PRKCB: variants seen among roughly 807,000 people sequenced by gnomAD.
PRKCB encodes the protein protein kinase C beta, also known as protein kinase C beta type.
Under a neutral mutation model 81.5 loss-of-function variants are expected in PRKCB, and 13 were observed. The observed-to-expected ratio is 0.16, with a 90% CI of 0.10 to 0.25. The LOEUF (loss-of-function observed/expected upper bound fraction) is 0.25. Among genes scored for constraint, PRKCB ranks in the 10% least tolerant of loss-of-function variants. The pLI is 1.00. For missense variants in PRKCB, 509 were observed against 875.7 expected (o/e 0.58, Z 5.29); for synonymous variants, 335 against 321.4 (o/e 1.04, Z -0.45).
At position 24,218,417 on chromosome 16, in the gene PRKCB, T is replaced by G; in HGVS notation, c.*3601T>G. On this transcript the variant is annotated 3_prime_UTR_variant, in exon 17 of 17. Transcript: ENST00000643927. ...AAGGGCAGGTGGGACATGGTAGAGATGGACCCTACCCAGGAAACAGCTCCA... is the reference window on the plus strand; with the variant it reads ...AAGGGCAGGTGGGACATGGTAGAGAGGGACCCTACCCAGGAAACAGCTCCA... 1.0e-6 allele frequency: 1 copy of G among 985,216 alleles called. No individual in the cohort carries two copies. The highest frequency in any genetic ancestry group is 1.2e-6 in the Non-Finnish European group (1 of 829,932). The allele number at this position is 985,216 out of a possible 1,614,324, so 61.0% of individuals were successfully genotyped here. A position where few individuals can be genotyped will look rare whatever the true frequency, so the allele number is the denominator to read the frequency against.
chr16:23,951,692 A>G (rs1964287057), intron 2 of PRKCB, among the ~76,000 whole-genome samples: 1 of 149,568 alleles, frequency 6.7e-6, no homozygotes, highest in African/African-American at 2.5e-5. Context: ...TGCTGAGATT[A>G]CAGGCATGAG....
chr16:24,022,325 C>T (rs1965415614), intron 3 of PRKCB, among the ~76,000 whole-genome samples: 1 of 151,718 alleles, frequency 6.6e-6, no homozygotes, highest in Admixed American at 6.6e-5. Flanking sequence ...GAGAAGCAGG[C>T]CTGGTGTAAG....
At chr16:23,865,265 TTGTGTG>T (rs57426992) in intron 2 of PRKCB, among the ~76,000 whole-genome samples, 35,993 of 128,464 alleles carry the variant, frequency 0.28, 4,469 homozygotes, top group Middle Eastern at 0.4. Flanking sequence ...TCTGTTTTGT[TTGTGTG>T]TGTGTGTGTG....
At chr16:24,024,382 G>A (rs1298490777) in intron 3 of PRKCB, among the ~76,000 whole-genome samples, 1 of 152,150 alleles carries the variant, frequency 6.6e-6, no homozygotes, top group Admixed American at 6.6e-5. Flanking sequence ...TCGGATAGGA[G>A]GAATTGCCTT....
At chr16:23,866,951 TCTTCCTTCCCTTCCTTCCCTTCCTTCC>T (rs139638549) in intron 2 of PRKCB, among the ~76,000 whole-genome samples, 9,894 of 118,486 alleles carry the variant, frequency 0.084, 981 homozygotes, top group East Asian at 0.096. Context: ...CCCCTTCCTT[TCTTCCTTCCCTTCCTTCCCTTCCTTCC>T]CTTCCTTCCC....
At chr16:24,082,111 T>TA (rs1247320434) in intron 5 of PRKCB, among the ~76,000 whole-genome samples, 4 of 152,058 alleles carry the variant, frequency 2.6e-5, no homozygotes, top group Non-Finnish European at 5.9e-5. Context: ...AAATACTACT[T>TA]ACAGCAGCTG....
intron 5 of PRKCB, among the ~76,000 whole-genome samples, chr16:24,063,297 CT>C (rs960862923): frequency 2.4e-3 from 345 of 142,238 alleles, no homozygotes; most frequent in South Asian, 9.4e-3. Context: ...TCCTGATACA[CT>C]TTTTTTTTTT....
At position 24,214,801 on chromosome 16, in the gene PRKCB, C is replaced by T. The variant is rs772098050; in HGVS notation, c.2007C>T (p.Pro669=). ...TTGTTAACTCTGAATTTTTAAAACC[C>T]GAAGTCAAGAGCTAAGTAGATGTGT... ...FSFVNSEFLK[P]EVKS is the part of the protein sequence containing the mutation. Residue 669 remains proline (P), a synonymous_variant, in exon 17 of 17, where the codon CCC becomes CCT. Coordinates refer to ENST00000643927, the MANE Select transcript of PRKCB (RefSeq NM_002738.7). The T allele has an allele frequency of 3.7e-5, 59 of 1,613,942 alleles. No homozygotes were observed. In the South Asian group the frequency reaches 3.8e-4, roughly 11 times the overall value.
At chr16:24,171,913 G>T (rs1400731136) in intron 10 of PRKCB, among the ~76,000 whole-genome samples, 3 of 151,334 alleles carry the variant, frequency 2.0e-5, no homozygotes, top group Non-Finnish European at 1.5e-5. Context: ...TTTGTATTTT[G>T]TTTTTTTTCA....
At chr16:24,116,455 C>T (rs1966738682) in intron 8 of PRKCB, among the ~76,000 whole-genome samples, 1 of 152,034 alleles carries the variant, frequency 6.6e-6, no homozygotes, top group African/African-American at 2.4e-5. Context: ...TTCCCAAATT[C>T]CTTGTCTTGA....
chr16:23,842,483 G>C (rs1335728564), intron 2 of PRKCB, among the ~76,000 whole-genome samples: 1 of 152,050 alleles, frequency 6.6e-6, no homozygotes, highest in Non-Finnish European at 1.5e-5. Context: ...TTCTCTTCTT[G>C]GGTATATTTC....
At chr16:24,162,830 T>A (rs1967281870) in intron 10 of PRKCB, among the ~76,000 whole-genome samples, 1 of 152,142 alleles carries the variant, frequency 6.6e-6, no homozygotes, top group Non-Finnish European at 1.5e-5. Flanking sequence ...CTAAAAGCCC[T>A]GACTTGACCA....
chr16:23,939,073 A>G (rs1227514337), intron 2 of PRKCB, among the ~76,000 whole-genome samples: 2 of 152,224 alleles, frequency 1.3e-5, no homozygotes, highest in Non-Finnish European at 2.9e-5. Flanking sequence ...AAACAATTGT[A>G]TTTCTATAAA....
At chr16:23,888,542 C>CTT (rs1193060210) in intron 2 of PRKCB, among the ~76,000 whole-genome samples, 1 of 152,150 alleles carries the variant, frequency 6.6e-6, no homozygotes, top group Non-Finnish European at 1.5e-5. Flanking sequence ...GTAACCATTT[C>CTT]TTTTTTAAGT....
chr16:24,120,036 A>T (rs979702981), intron 8 of PRKCB, among the ~76,000 whole-genome samples: 25 of 152,202 alleles, frequency 1.6e-4, no homozygotes, highest in Admixed American at 3.9e-4. Flanking sequence ...CAAATTACCG[A>T]TTTATGCAAA....
intron 9 of PRKCB, among the ~76,000 whole-genome samples, chr16:24,150,363 G>T (rs1367683507): frequency 1.3e-5 from 2 of 151,994 alleles, no homozygotes; most frequent in African/African-American, 2.4e-5. Flanking sequence ...AAACAAAAAA[G>T]GACCACTCTA....
chr16:24,126,793 C>T (rs1966845105), intron 9 of PRKCB, among the ~76,000 whole-genome samples: 1 of 151,870 alleles, frequency 6.6e-6, no homozygotes, highest in Non-Finnish European at 1.5e-5. Flanking sequence ...GCCTCGGCCT[C>T]CTAAAGTGCT....
intron 3 of PRKCB, among the ~76,000 whole-genome samples, chr16:24,018,756 T>C (rs1965319622): frequency 6.6e-6 from 1 of 152,218 alleles, no homozygotes; most frequent in Non-Finnish European, 1.5e-5. Context: ...ACACAAGTGT[T>C]TACATGGTGT....
intron 12 of PRKCB, among the ~76,000 whole-genome samples, chr16:24,179,279 G>A (rs1398522118): frequency 6.6e-6 from 1 of 152,214 alleles, no homozygotes; most frequent in African/African-American, 2.4e-5. Flanking sequence ...TTACATGGAA[G>A]CCATGTTACA....
Sources: allele counts gnomAD v4.1 joint callset (sites outside exome capture counted in the v4.1 genomes callset), GRCh38; gene constraint gnomAD v4.1.1; transcripts MANE v1.5; gene names NCBI Gene and HGNC (gene_info 2026-07-23, HGNC 2026-07-21).